The following SYNE2 variants were observed in gnomAD, a reference collection of about 807,000 sequenced individuals.
The protein encoded by SYNE2 is nesprin-2.
In SYNE2, 431 loss-of-function variants were observed where a neutral mutation model predicts 856.3. The ratio of observed to expected loss-of-function variants is 0.50; its 90% confidence interval spans 0.47 to 0.55. SYNE2 has a LOEUF of 0.55. SYNE2 is among the 20% of genes least tolerant of loss of function. The probability of loss-of-function intolerance (pLI) is 0.00; values close to 1 mark genes in which losing one functional copy is unlikely to be tolerated. For missense variants in SYNE2, 8,129 were observed against 8,023.2 expected (o/e 1.01, Z -0.50); for synonymous variants, 2,923 against 2,872.3 (o/e 1.02, Z -0.56).
At chr14:63,966,501 C>A (rs1204538339) in intron 10 of SYNE2, among the ~76,000 whole-genome samples, 1 of 151,508 alleles carries the variant, frequency 6.6e-6, no homozygotes, top group East Asian at 1.9e-4. Context: ...TCAGCCTGGG[C>A]GATAGAGCCA....
chr14:63,988,391 C>T (rs187475608), intron 19 of SYNE2, among the ~76,000 whole-genome samples: 1 of 152,264 alleles, frequency 6.6e-6, no homozygotes, highest in East Asian at 1.9e-4. Flanking sequence ...AATATTTTCT[C>T]TACATGCTGT....
chr14:64,001,816 G>A (rs532496783), intron 28 of SYNE2, 118 bp from the exon 29 acceptor site: 1 of 1,114,914 alleles, frequency 9.0e-7, no homozygotes, highest in Non-Finnish European at 1.4e-6. Flanking sequence ...ATATATCATT[G>A]TATGTCTGTT....
chr14:63,997,408 A>G lies in SYNE2; in HGVS notation c.3243+17A>G, dbSNP rs758268162. ...ACTGAAAAGGTGTTAAATGTGGATA[A>G]TGTATTTTAGAAGTAAACCCAAAGT... On this transcript the variant is annotated intron_variant, in intron 25 of 115. Coordinates refer to ENST00000555002, the MANE Select transcript of SYNE2 (RefSeq NM_182914.3). 1 of 1,596,648 alleles carries G rather than the reference A, an allele frequency of 6.3e-7. No homozygotes were observed.
chr14:64,189,359 G>T (rs946850953), intron 98 of SYNE2, among the ~76,000 whole-genome samples: 1 of 151,784 alleles, frequency 6.6e-6, no homozygotes, highest in Non-Finnish European at 1.5e-5. Context: ...AGCTCCCCTT[G>T]TTAAAGGGGA....
intron 12 of SYNE2, among the ~76,000 whole-genome samples, chr14:63,977,020 G>T (rs1481286324): frequency 6.6e-6 from 1 of 151,446 alleles, no homozygotes; most frequent in Non-Finnish European, 1.5e-5. Flanking sequence ...GGGTGGAGAA[G>T]GGGGAGCCTG....
At chr14:64,137,144 T>A (rs1246793814) in intron 78 of SYNE2, among the ~76,000 whole-genome samples, 1 of 152,228 alleles carries the variant, frequency 6.6e-6, no homozygotes, top group East Asian at 1.9e-4. Flanking sequence ...TGCCAGCTTG[T>A]TTTTTGTTTG....
At position 64,003,112 on chromosome 14, in the gene SYNE2, G is replaced by A. The variant is rs774164617; in HGVS notation, c.4179G>A (p.Arg1393=). 6.2e-7 allele frequency: 1 copy of A among 1,614,138 alleles called. No homozygotes were observed. Among genetic ancestry groups the A allele is most frequent in the Admixed American group, 1.7e-5 (1 of 60,020 alleles). The change falls in exon 30 of 116, where the codon CGG becomes CGA. Residue 1393 remains arginine, a synonymous_variant. Coordinates refer to ENST00000555002, the MANE Select transcript of SYNE2 (RefSeq NM_182914.3). ...ATATGAGCTTTAAAGATGCTGAACG[G>A]GGTGATGACACCTCCTGTGAAAACC... ...MLDMSFKDAE[R]GDDTSCENLL...
rs1377703309 is a variant in SYNE2 at position 64,003,063 on chromosome 14, T to G, written c.4130T>G (p.Leu1377Trp). 1.2e-6 allele frequency: 2 copies of G among 1,614,102 alleles called. No individual in the cohort carries two copies. Among genetic ancestry groups the G allele is most frequent in the South Asian group, 2.2e-5 (2 of 91,076 alleles). Residue 1377 changes from leucine (L) to tryptophan (W), a missense_variant, in exon 30 of 116, where the codon TTG becomes TGG. Leu to Trp is a moderately conservative substitution (Grantham distance 61). Around this residue, in one of 3 missense-constraint regions of SYNE2, gnomAD observed 2,422 missense variants for 2,357.4 expected, o/e 1.03. Transcript: ENST00000555002. ...CTGATGAAAGACAAGGCCAAACATT[T>G]GGATAAATGTTTGAAGATGCTCGAT... is the stretch of plus-strand genomic sequence containing the variant. Reference protein sequence around the residue: ...IHLMKDKAKHLDKCLKMLDMS... With the variant: ...IHLMKDKAKHWDKCLKMLDMS...
intron 1 of SYNE2, among the ~76,000 whole-genome samples, chr14:63,894,337 G>A (rs1016634155): frequency 1.3e-5 from 2 of 151,780 alleles, no homozygotes; most frequent in African/African-American, 2.4e-5. Flanking sequence ...CTGCCTCAGC[G>A]TCTTGAGCAG....
At position 64,167,409 on chromosome 14, in the gene SYNE2, CGTT is replaced by C. The variant is rs746536527; in HGVS notation, c.16760+26_16760+28del. The C allele has an allele frequency of 4.3e-6, 7 of 1,614,160 alleles. No homozygotes were observed. The East Asian group carries it at 1.3e-4, about 31-fold the overall frequency. ...GCAGGTTAGAACATCCCTTCTCTGTCGTTGTTTCAATTAAGGTAAAATTAACGG... is the reference window on the plus strand; with the variant it reads ...GCAGGTTAGAACATCCCTTCTCTGTCGTTTCAATTAAGGTAAAATTAACGG... On this transcript the variant is annotated intron_variant, in intron 91 of 115. Coordinates refer to ENST00000555002, the MANE Select transcript of SYNE2 (RefSeq NM_182914.3).
chr14:64,069,968 G>A (rs202120599), intron 51 of SYNE2, among the ~76,000 whole-genome samples: 1 of 152,214 alleles, frequency 6.6e-6, no homozygotes, highest in East Asian at 1.9e-4. Context: ...GCAGCCGAGG[G>A]GTGGGCCAGG....
chr14:64,002,655 G>C (rs1032792465), intron 29 of SYNE2, 65 bp from the exon 30 acceptor site: 139 of 1,567,954 alleles, frequency 8.9e-5, no homozygotes, highest in Non-Finnish European at 1.2e-4. Flanking sequence ...TTTGGGGCTA[G>C]TTTCTCACAT....
At chr14:64,168,809 A>C (rs1395999269) in intron 92 of SYNE2, 68 bp from the exon 93 acceptor site, 20 of 1,065,330 alleles carry the variant, frequency 1.9e-5, no homozygotes, top group Non-Finnish European at 2.7e-5. Flanking sequence ...TTTAATAGGA[A>C]ATGTAGGTTC....
Position 64,226,010 on chromosome 14 carries a change from A to G in SYNE2, c.*484A>G, listed in dbSNP as rs2140532072. The G allele has an allele frequency of 4.6e-6, 1 of 217,000 alleles. No homozygotes were observed. Among genetic ancestry groups the G allele is most frequent in the Non-Finnish European group, 9.3e-6 (1 of 107,944 alleles). The allele number at this position is 217,000 out of a possible 1,614,324, so 13.4% of individuals were successfully genotyped here. A position where few individuals can be genotyped will look rare whatever the true frequency, so the allele number is the denominator to read the frequency against. On this transcript the variant is annotated 3_prime_UTR_variant, in exon 116 of 116. Coordinates refer to ENST00000555002, the MANE Select transcript of SYNE2 (RefSeq NM_182914.3). The stretch of plus-strand genomic sequence containing the variant: ...TACGCTTAGAATCAGTTTTACTCCA[A>G]TCAGCTGGCAATTTTGAGCTGCCGG...
intron 1 of SYNE2, among the ~76,000 whole-genome samples, chr14:63,814,426 C>T (rs1312539353): frequency 7.0e-6 from 1 of 143,634 alleles, no homozygotes; most frequent in African/African-American, 2.6e-5. Context: ...TAATATATAT[C>T]CTTATATATA....
intron 30 of SYNE2, among the ~76,000 whole-genome samples, chr14:64,004,512 T>G (rs559932621): frequency 5.0e-4 from 76 of 152,184 alleles, no homozygotes; most frequent in African/African-American, 1.8e-3. Flanking sequence ...GTATTTCTAG[T>G]AGAGACGGGG....
chr14:63,977,848 C>G, intron 12 of SYNE2, 57 bp from the exon 13 acceptor site: 1 of 1,224,234 alleles, frequency 8.2e-7, no homozygotes, highest in Non-Finnish European at 1.2e-6. Context: ...TTGACAAACC[C>G]TTAATTACAG....
chr14:64,162,157 C>T lies in SYNE2; in HGVS notation c.16180C>T (p.His5394Tyr), dbSNP rs748141055. The change falls in exon 88 of 116, where the codon CAT (histidine) becomes TAT (tyrosine). Residue 5394 changes from histidine to tyrosine, a missense_variant. His to Tyr is a moderately conservative substitution (Grantham distance 83, BLOSUM62 2). Around this residue, in one of 3 missense-constraint regions of SYNE2, gnomAD observed 5,410 missense variants for 5,284.8 expected, o/e 1.02. Transcript: ENST00000555002. ...LQLWKAYSNAHGEAAARLKQQ... is the reference protein window; with the variant it reads ...LQLWKAYSNAYGEAAARLKQQ... ...GCTCTGGAAGGCCTATAGCAATGCT[C>T]ATGGTGAAGCTGCCGCAAGGCTGAA... The T allele has an allele frequency of 1.4e-5, 22 of 1,614,074 alleles. No homozygotes were observed. The highest frequency in any genetic ancestry group is 1.7e-5 in the Admixed American group (1 of 60,006).
intron 1 of SYNE2, among the ~76,000 whole-genome samples, chr14:63,847,803 C>T (rs549657910): frequency 6.6e-6 from 1 of 151,980 alleles, no homozygotes; most frequent in Non-Finnish European, 1.5e-5. Flanking sequence ...CCAGGCTGGT[C>T]TTGAACTCGT....
Sources: gnomAD v4.1 joint callset for allele counts (sites outside exome capture counted in the v4.1 genomes callset) on GRCh38, gnomAD v4.1.1 for gene constraint, gnomAD v4.1.1 regional missense constraint, MANE v1.5 for transcripts, NCBI Gene and HGNC (gene_info 2026-07-23, HGNC 2026-07-21) for gene names.